The following ARID4A variants were observed in gnomAD, a reference collection of about 807,000 sequenced individuals.
ARID4A encodes AT-rich interactive domain-containing protein 4A.
ARID4A carries 39 observed loss-of-function variants against 148.6 expected under a neutral mutation model. That is an observed-to-expected ratio of 0.26 (90% confidence interval 0.20 to 0.34). The LOEUF (loss-of-function observed/expected upper bound fraction) is 0.34, where lower values mean the gene tolerates loss of function less well. Among genes scored for constraint, ARID4A ranks in the 10% least tolerant of loss-of-function variants. The pLI is 1.00. For missense variants in ARID4A, 1,265 were observed against 1,449.1 expected, an observed-to-expected ratio of 0.87 and a Z score of 2.06; for synonymous variants, 475 against 481.2, an observed-to-expected ratio of 0.99 and a Z score of 0.17.
At chr14:58,330,544 A>G (rs2033466246) in intron 11 of ARID4A, among the ~76,000 whole-genome samples, 2 of 152,202 alleles carry the variant, frequency 1.3e-5, no homozygotes, top group South Asian at 4.1e-4. Flanking sequence ...AAAGGTAAGG[A>G]AAGGGAGATT....
chr14:58,345,344 C>G (rs1354322773), intron 12 of ARID4A, among the ~76,000 whole-genome samples: 1 of 152,114 alleles, frequency 6.6e-6, no homozygotes, highest in Non-Finnish European at 1.5e-5. Flanking sequence ...TCTGATATTT[C>G]AGAAATAGAA....
chr14:58,318,698 A>T lies in ARID4A; in HGVS notation c.355-13A>T. 3 of 1,613,718 alleles carry T rather than the reference A, an allele frequency of 1.9e-6. No homozygotes were observed. The highest frequency in any genetic ancestry group is 2.5e-6 in the Non-Finnish European group (3 of 1,179,638). On this transcript the variant is annotated splice_polypyrimidine_tract_variant and intron_variant, in intron 6 of 23. Transcript: ENST00000355431. ...AGGTAAAACGTAATTTAATTAATCTATTTCTTATACAGACACTTGACCAGC... is the reference window on the plus strand; with the variant it reads ...AGGTAAAACGTAATTTAATTAATCTTTTTCTTATACAGACACTTGACCAGC...
chr14:58,323,681 T>A (rs974932095), intron 8 of ARID4A, 64 bp downstream of exon 8: 32 of 1,401,840 alleles, frequency 2.3e-5, no homozygotes, highest in Non-Finnish European at 2.5e-5. Flanking sequence ...TGGATTTTTT[T>A]AAAAGCATTT....
chr14:58,360,722 G>A (rs1429324390), intron 18 of ARID4A, among the ~76,000 whole-genome samples, 179 bp from the exon 19 acceptor site: 1 of 152,186 alleles, frequency 6.6e-6, no homozygotes, highest in Non-Finnish European at 1.5e-5. Flanking sequence ...ATGTTAATAA[G>A]TTCTGATAAC....
chr14:58,329,749 C>T (rs2033415949), intron 10 of ARID4A, 145 bp downstream of exon 10: 1 of 942,520 alleles, frequency 1.1e-6, no homozygotes, highest in Non-Finnish European at 1.6e-6. Context: ...TTTTTAATGT[C>T]TAGATACAAT....
At chr14:58,320,790 G>T (rs1052103031) in intron 7 of ARID4A, among the ~76,000 whole-genome samples, 2 of 151,822 alleles carry the variant, frequency 1.3e-5, no homozygotes, top group African/African-American at 4.8e-5. Context: ...TGTATTTTTA[G>T]TAGAGACGGG....
In ARID4A at chr14:58,306,105, T is replaced by C; in HGVS notation, c.267T>C (p.Tyr89=). Residue 89 remains tyrosine, a synonymous_variant, in exon 5 of 24, where the codon TAT becomes TAC. Transcript: ENST00000355431. Reference sequence around the variant, plus strand: ...GCAAGTTGACAGATGCTAGTTGGTATACCGTGGGTAAGTAATTAAGTAATT... The same window carrying C: ...GCAAGTTGACAGATGCTAGTTGGTACACCGTGGGTAAGTAATTAAGTAATT... ...IISKLTDASW[Y]TVVFDDGDER... 1 of 1,611,266 alleles carries C rather than the reference T, an allele frequency of 6.2e-7. No homozygotes were observed. Among genetic ancestry groups the C allele is most frequent in the African/African-American group, 1.3e-5 (1 of 74,984 alleles).
intron 23 of ARID4A, among the ~76,000 whole-genome samples, chr14:58,371,279 G>A (rs892056027): frequency 6.6e-6 from 1 of 152,054 alleles, no homozygotes; most frequent in Non-Finnish European, 1.5e-5. Context: ...GGCAAAGAAA[G>A]GCAGAAGACA....
rs2058886285 is a variant in ARID4A, at chr14:58,372,478, T to G, written c.*489T>G. ...TTATTTTTGTGGAAGCACTTGCTAT[T>G]TAGAACTGCCAAAGTATATGTTCAG... On this transcript the variant is annotated 3_prime_UTR_variant, in exon 24 of 24. Coordinates refer to ENST00000355431, the MANE Select transcript of ARID4A (RefSeq NM_002892.4). 1 of 227,770 alleles carries G rather than the reference T, an allele frequency of 4.4e-6. No individual in the cohort carries two copies. The allele number at this position is 227,770 out of a possible 1,614,324, so 14.1% of individuals were successfully genotyped here.
intron 11 of ARID4A, among the ~76,000 whole-genome samples, chr14:58,338,893 A>G (rs2033964595): frequency 6.8e-6 from 1 of 147,164 alleles, no homozygotes; most frequent in African/African-American, 2.5e-5. Flanking sequence ...TGAGTGGTAT[A>G]CTGGAGTACA....
chr14:58,323,334 G>A, intron 7 of ARID4A, 151 bp from the exon 8 acceptor site: 1 of 877,714 alleles, frequency 1.1e-6, no homozygotes, highest in South Asian at 1.9e-5. Flanking sequence ...GGCTAAGGAA[G>A]GACCCATGTC....
At chr14:58,353,391 T>A in intron 16 of ARID4A, 2 of 292,840 alleles carry the variant, frequency 6.8e-6, no homozygotes, top group Non-Finnish European at 1.2e-5. Context: ...AGAAGTGACT[T>A]ATTTTATTAC....
rs771661903 is a variant in ARID4A at position 58,366,998 on chromosome 14, G to A, written c.3639G>A (p.Arg1213=). The A allele has an allele frequency of 2.0e-6, 3 of 1,496,154 alleles. No homozygotes were observed. The highest frequency in any genetic ancestry group is 2.9e-5 in the South Asian group (2 of 69,262). The allele number at this position is 1,496,154 out of a possible 1,614,324, so 92.7% of individuals were successfully genotyped here. ...LKSEVATIDR[R]RKRLKKKDRE... ...CTGAAGTTGCAACCATAGACAGGAG[G>A]AGAAAAAGATTAAAAAAGAAAGACA... Residue 1213 remains arginine, a synonymous_variant, in exon 23 of 24, where the codon AGG becomes AGA. Transcript: ENST00000355431.
chr14:58,361,106 C>A, intron 19 of ARID4A, 64 bp downstream of exon 19: 1 of 1,509,302 alleles, frequency 6.6e-7, no homozygotes, highest in Non-Finnish European at 8.9e-7. Flanking sequence ...ATGGAAGGTG[C>A]TCAATTTTGA....
rs971499684 is a variant in ARID4A, at chr14:58,318,740, A to G, written c.384A>G (p.Pro128=). The G allele has an allele frequency of 1.9e-6, 3 of 1,614,026 alleles. No individual in the cohort carries two copies. The highest frequency in any genetic ancestry group is 2.7e-5 in the African/African-American group (2 of 74,942). Reference sequence around the variant, plus strand: ...TTGACCAGCTTCCATTAACAAATCCAGAGCATTTTGGAACTCCAGTAATTG... The same window carrying G: ...TTGACCAGCTTCCATTAACAAATCCGGAGCATTTTGGAACTCCAGTAATTG... The part of the protein sequence containing the change: ...ETLDQLPLTN[P]EHFGTPVIAK... Residue 128 remains proline, a synonymous_variant, in exon 7 of 24, where the codon CCA becomes CCG. Transcript: ENST00000355431.
At position 58,323,626 on chromosome 14, in the gene ARID4A, A is replaced by G; in HGVS notation, c.582+9A>G. The G allele has an allele frequency of 6.2e-7, 1 of 1,609,248 alleles. No homozygotes were observed. Among genetic ancestry groups the G allele is most frequent in the Non-Finnish European group, 8.5e-7 (1 of 1,176,750 alleles). On this transcript the variant is annotated intron_variant, in intron 8 of 23. Coordinates refer to ENST00000355431, the MANE Select transcript of ARID4A (RefSeq NM_002892.4). ...AATGGTATCCTGCTTTGGTAAGTAA[A>G]GTTTCTTTGCAGAGTTAATCAGCCG...
At position 58,312,068 on chromosome 14, in the gene ARID4A, TAA is replaced by T. The variant is rs958127870; in HGVS notation, c.274+5957_274+5958del. Among the ~76,000 whole-genome samples the T allele has an allele frequency of 2.9e-4, 44 of 152,248 alleles. 1 individual carries two copies. Among genetic ancestry groups the T allele is most frequent in the African/African-American group, 1.0e-3 (43 of 41,540 alleles). Reference sequence around the variant, plus strand: ...AATGTATTGCATACTTGAAAATTGCTAAGAGAGTAGATTTTGAGTGTTCTCAC... The same window carrying T: ...AATGTATTGCATACTTGAAAATTGCTGAGAGTAGATTTTGAGTGTTCTCAC... On this transcript the variant is annotated intron_variant, in intron 5 of 23. Coordinates refer to ENST00000355431, the MANE Select transcript of ARID4A (RefSeq NM_002892.4).
chr14:58,338,028 C>T (rs934304615), intron 11 of ARID4A, among the ~76,000 whole-genome samples: 1 of 152,130 alleles, frequency 6.6e-6, no homozygotes, highest in Non-Finnish European at 1.5e-5. Context: ...AGATATTGTT[C>T]AGAAGGTGCT....
rs2140176217 is a variant in ARID4A at position 58,323,550 on chromosome 14, A to T, written c.515A>T (p.Asp172Val). The change falls in exon 8 of 24, where the codon GAT becomes GTT. Residue 172 changes from aspartate to valine, a missense_variant. Physicochemically the swap from Asp to Val is radical, Grantham distance 152. Coordinates refer to ENST00000355431, the MANE Select transcript of ARID4A (RefSeq NM_002892.4). ...EEDEDKRRLN[D>V]ELLGKVVSVV... is the part of the protein sequence containing the mutation. ...GATGAAGACAAGCGCCGTCTCAATG[A>T]TGAATTACTAGGAAAAGTTGTAAGT... The T allele has an allele frequency of 6.2e-7, 1 of 1,614,184 alleles. No homozygotes were observed. The highest frequency in any genetic ancestry group is 1.1e-5 in the South Asian group (1 of 91,088).
Sources: gnomAD v4.1 joint callset for allele counts (sites outside exome capture counted in the v4.1 genomes callset) on GRCh38, gnomAD v4.1.1 for gene constraint, MANE v1.5 for transcripts, NCBI Gene and HGNC (gene_info 2026-07-23, HGNC 2026-07-21) for gene names.